The following ST18 variants were observed in gnomAD, a reference collection of about 807,000 sequenced individuals.
The protein encoded by ST18 is suppression of tumorigenicity 18 protein.
ST18 carries 50 observed loss-of-function variants against 110.0 expected under a neutral mutation model. The observed-to-expected ratio is 0.45, with a 90% CI of 0.36 to 0.58. The LOEUF (loss-of-function observed/expected upper bound fraction) is 0.58. ST18 is among the 20% of genes least tolerant of loss of function. The probability of loss-of-function intolerance (pLI) is 0.00; values close to 1 mark genes in which losing one functional copy is unlikely to be tolerated. For synonymous variants in ST18, 461 were observed against 452.4 expected (o/e 1.02, Z -0.24); for missense variants, 1,306 against 1,280.1 (o/e 1.02, Z -0.31).
intron 16 of ST18, among the ~76,000 whole-genome samples, chr8:52,148,028 C>T (rs184145080): frequency 1.5e-4 from 23 of 152,186 alleles, no homozygotes; most frequent in Non-Finnish European, 2.9e-4. Context: ...TTAGATGATA[C>T]ACGTAGACAT....
At chr8:52,169,749 C>T (rs1207574624) in intron 10 of ST18, among the ~76,000 whole-genome samples, 1 of 152,186 alleles carries the variant, frequency 6.6e-6, no homozygotes, top group African/African-American at 2.4e-5. Context: ...CTCCTCTAGA[C>T]TAAGCCTGTG....
chr8:52,270,965 G>T (rs908439688), intron 2 of ST18, among the ~76,000 whole-genome samples: 2 of 150,978 alleles, frequency 1.3e-5, no homozygotes, highest in Admixed American at 1.3e-4. Context: ...AGGGCATCTC[G>T]GCTCACTGCA....
chr8:52,388,059 T>A (rs1446650182), intron 2 of ST18, among the ~76,000 whole-genome samples: 1 of 150,152 alleles, frequency 6.7e-6, no homozygotes, highest in African/African-American at 2.5e-5. Flanking sequence ...GATGAAATGA[T>A]TCAATATAGA....
At chr8:52,252,457 C>T (rs1232083811) in intron 2 of ST18, among the ~76,000 whole-genome samples, 3 of 151,702 alleles carry the variant, frequency 2.0e-5, no homozygotes, top group Non-Finnish European at 2.9e-5. Context: ...AACCAGGAAA[C>T]TTCAAATCTT....
chr8:52,205,860 G>A (rs531711433), intron 8 of ST18, among the ~76,000 whole-genome samples: 7 of 152,174 alleles, frequency 4.6e-5, no homozygotes, highest in Non-Finnish European at 7.3e-5. Context: ...GAGCCACTAC[G>A]CCCGGCCAGT....
intron 23 of ST18, among the ~76,000 whole-genome samples, chr8:52,122,785 C>T (rs1015202662): frequency 1.3e-5 from 2 of 151,876 alleles, no homozygotes; most frequent in Non-Finnish European, 2.9e-5. Flanking sequence ...CGTGCCCGGC[C>T]GAACTTTTAT....
intron 2 of ST18, among the ~76,000 whole-genome samples, chr8:52,232,680 A>C (rs2091753076): frequency 6.6e-6 from 1 of 152,090 alleles, no homozygotes; most frequent in Non-Finnish European, 1.5e-5. Flanking sequence ...TGCTTATGTA[A>C]ATATCTCTGT....
intron 14 of ST18, 150 bp from the exon 15 acceptor site, chr8:52,159,259 G>T: frequency 4.1e-6 from 3 of 737,938 alleles, no homozygotes; most frequent in Non-Finnish European, 6.5e-6. Flanking sequence ...ATTAAATGAA[G>T]GTTATCCAGA....
chr8:52,374,236 G>C (rs1831317644), intron 2 of ST18, among the ~76,000 whole-genome samples: 1 of 152,172 alleles, frequency 6.6e-6, no homozygotes, highest in African/African-American at 2.4e-5. Flanking sequence ...CTTAAATCCA[G>C]TATGACTGGT....
chr8:52,149,635 T>C, intron 16 of ST18, 97 bp downstream of exon 16: 1 of 1,464,050 alleles, frequency 6.8e-7, no homozygotes, highest in Non-Finnish European at 9.1e-7. Flanking sequence ...ATGTATTATC[T>C]AAACAGGAAT....
In ST18 at chr8:52,172,175, T is replaced by C; in HGVS notation, c.686A>G (p.Asp229Gly). The C allele has an allele frequency of 6.2e-7, 1 of 1,614,190 alleles. No individual in the cohort carries two copies. The highest frequency in any genetic ancestry group is 1.3e-5 in the African/African-American group (1 of 75,054). The change falls in exon 10 of 26, where the codon GAC becomes GGC. Residue 229 changes from aspartate to glycine, a missense_variant. By Grantham distance (94) the Asp-to-Gly change is moderately conservative. Transcript: ENST00000689386. Reference protein sequence around the residue: ...PKYVLTDHKKDLLEVPEIKTE... With the variant: ...PKYVLTDHKKGLLEVPEIKTE... ...TTTTATTTCAGGAACTTCCAATAGG[T>C]CTTTTTTATGATCTGTTAAAACATA...
intron 2 of ST18, among the ~76,000 whole-genome samples, chr8:52,275,278 T>G (rs1306143814): frequency 6.6e-6 from 1 of 152,228 alleles, no homozygotes; most frequent in Non-Finnish European, 1.5e-5. Flanking sequence ...TTGTGAATAG[T>G]GACAACACTG....
chr8:52,394,947 G>A (rs540284304), intron 2 of ST18, among the ~76,000 whole-genome samples: 18 of 151,788 alleles, frequency 1.2e-4, no homozygotes, highest in African/African-American at 2.4e-4. Context: ...CACAGCAGAC[G>A]CAATGATTCA....
Position 52,304,490 on chromosome 8 carries a change from A to G in ST18, c.-464-74413T>C, listed in dbSNP as rs138246309. On this transcript the variant is annotated intron_variant, in intron 2 of 25. Transcript: ENST00000689386. ...TTTGGATCCAGAAATATTAATTCTA[A>G]AAACTTACTGGAAGGAAATTATCTT... 5.7e-3 allele frequency among the ~76,000 whole-genome samples: 875 copies of G among 152,348 alleles called. 5 individuals carry two copies. The highest frequency in any genetic ancestry group is 0.02 in the African/African-American group (831 of 41,574).
chr8:52,277,953 G>A (rs528251013), intron 2 of ST18, among the ~76,000 whole-genome samples: 24 of 152,034 alleles, frequency 1.6e-4, no homozygotes, highest in Non-Finnish European at 3.1e-4. Flanking sequence ...TGGGTAATTG[G>A]AGTCAACAGG....
At position 52,126,076 on chromosome 8, in the gene ST18, T is replaced by A. The variant is rs377603817; in HGVS notation, c.2731A>T (p.Thr911Ser). The A allele has an allele frequency of 6.2e-7, 1 of 1,614,010 alleles. No individual in the cohort carries two copies. Among genetic ancestry groups the A allele is most frequent in the African/African-American group, 1.3e-5 (1 of 74,906 alleles). ...KKGKVSEELM[T>S]IKLKATGGIE... ...CCCCCAGTTGCTTTGAGCTTGATGG[T>A]CATGAGTTCTTCAGAAACCTTGCCC... The change falls in exon 23 of 26, where the codon ACC (threonine) becomes TCC (serine). Residue 911 changes from threonine to serine, a missense_variant. Physicochemically the swap from Thr to Ser is moderately conservative, Grantham distance 58. Coordinates refer to ENST00000689386, the MANE Select transcript of ST18 (RefSeq NM_001352837.2).
chr8:52,384,229 T>A (rs1835682584), intron 2 of ST18, among the ~76,000 whole-genome samples: 1 of 152,202 alleles, frequency 6.6e-6, no homozygotes, highest in Non-Finnish European at 1.5e-5. Flanking sequence ...AACTTTTTTA[T>A]GGAAATCAAA....
At chr8:52,157,674 C>A (rs1191528875) in intron 15 of ST18, among the ~76,000 whole-genome samples, 1 of 152,080 alleles carries the variant, frequency 6.6e-6, no homozygotes, top group African/African-American at 2.4e-5. Flanking sequence ...TGTTTAAGAA[C>A]CTCATTTGTT....
At chr8:52,348,708 C>A (rs1277866470) in intron 2 of ST18, among the ~76,000 whole-genome samples, 1 of 152,130 alleles carries the variant, frequency 6.6e-6, no homozygotes, top group African/African-American at 2.4e-5. Context: ...CGTGCCATTG[C>A]ACTTCAGCCT....
Sources: allele counts gnomAD v4.1 joint callset (sites outside exome capture counted in the v4.1 genomes callset), GRCh38; gene constraint gnomAD v4.1.1; transcripts MANE v1.5; gene names NCBI Gene and HGNC (gene_info 2026-07-23, HGNC 2026-07-21).